The following MSH3 variants were observed in gnomAD, a reference collection of about 807,000 sequenced individuals.
MSH3 encodes mutS homolog 3, also known as DNA mismatch repair protein Msh3.
Under a neutral mutation model 123.3 loss-of-function variants are expected in MSH3, and 106 were observed. The observed-to-expected ratio is 0.86, with a 90% CI of 0.73 to 1.01. The LOEUF (loss-of-function observed/expected upper bound fraction) is 1.01, where lower values mean the gene tolerates loss of function less well. Among genes scored for constraint, MSH3 ranks in the 50% least tolerant of loss-of-function variants. The probability of loss-of-function intolerance (pLI) is 0.00; values close to 1 mark genes in which losing one functional copy is unlikely to be tolerated. For synonymous variants in MSH3, 515 were observed against 481.4 expected (o/e 1.07, Z -0.91); for missense variants, 1,459 against 1,347.6 (o/e 1.08, Z -1.29).
chr5:80,826,522 C>T lies in MSH3; in HGVS notation c.2813+12781C>T, dbSNP rs140611764. On this transcript the variant is annotated intron_variant, in intron 20 of 23. Transcript: ENST00000265081. ...AAGAAGAAGAAGTAAATGGATGAAA[C>T]GCTATAAACAGACAGGAGGTTAGGA... Among the ~76,000 whole-genome samples the T allele has an allele frequency of 5.0e-3, 754 of 150,900 alleles. 5 individuals are homozygous for T. The highest frequency in any genetic ancestry group is 8.8e-3 in the Non-Finnish European group (598 of 67,872).
chr5:80,794,436 C>A (rs1185923966), intron 19 of MSH3, among the ~76,000 whole-genome samples: 1 of 152,150 alleles, frequency 6.6e-6, no homozygotes, highest in Non-Finnish European at 1.5e-5. Flanking sequence ...AAGTTGAGAA[C>A]TAGTCCAGAA....
intron 10 of MSH3, among the ~76,000 whole-genome samples, chr5:80,736,747 AT>A (rs1743516253): frequency 6.6e-6 from 1 of 152,148 alleles, no homozygotes; most frequent in East Asian, 1.9e-4. Context: ...TGAGTCTCTA[AT>A]GAGTTCCCTG....
At chr5:80,796,298 C>T (rs1389266048) in intron 19 of MSH3, among the ~76,000 whole-genome samples, 1 of 151,318 alleles carries the variant, frequency 6.6e-6, no homozygotes, top group Non-Finnish European at 1.5e-5. Context: ...TGTCTAATTA[C>T]AATAATGTTT....
At chr5:80,731,603 G>A (rs1743414655) in intron 10 of MSH3, among the ~76,000 whole-genome samples, 1 of 151,988 alleles carries the variant, frequency 6.6e-6, no homozygotes, top group African/African-American at 2.4e-5. Context: ...ATTGGAAATT[G>A]CCAAAAGGTC....
At chr5:80,832,367 C>A (rs1316877024) in intron 20 of MSH3, among the ~76,000 whole-genome samples, 1 of 152,136 alleles carries the variant, frequency 6.6e-6, no homozygotes, top group Non-Finnish European at 1.5e-5. Flanking sequence ...ACGCCATAAT[C>A]CCAGCACTTT....
At position 80,688,260 on chromosome 5, in the gene MSH3, C is replaced by T. The variant is rs6151673; in HGVS notation, c.1340+9167C>T. On this transcript the variant is annotated intron_variant, in intron 8 of 23. Transcript: ENST00000265081. ...TCCTCAAAGATAGATGTGTATGCTG[C>T]AGATTTAAAGAAAACATTGAAATCT... Among the ~76,000 whole-genome samples, 1,227 of 152,284 alleles carry T rather than the reference C, an allele frequency of 8.1e-3. 18 individuals are homozygous for T. The highest frequency in any genetic ancestry group is 0.029 in the African/African-American group (1,185 of 41,562).
intron 1 of MSH3, chr5:80,655,266 C>T (rs879818709): frequency 1.7e-5 from 5 of 289,454 alleles, no homozygotes; most frequent in Admixed American, 5.2e-5. Context: ...GCAAGGGGTG[C>T]GTCTTTTAAC....
At chr5:80,787,425 C>A (rs886391097) in intron 17 of MSH3, 140 bp from the exon 18 acceptor site, 3 of 724,092 alleles carry the variant, frequency 4.1e-6, no homozygotes, top group Non-Finnish European at 5.1e-6. Context: ...GTGTAATCTC[C>A]ATCTCTCTTA....
chr5:80,827,847 T>C (rs1048084981), intron 20 of MSH3, among the ~76,000 whole-genome samples: 14 of 152,198 alleles, frequency 9.2e-5, no homozygotes, highest in African/African-American at 2.9e-4. Flanking sequence ...AGATAGATAC[T>C]GTTGTAGTAG....
At chr5:80,840,044 T>A (rs951284355) in intron 20 of MSH3, among the ~76,000 whole-genome samples, 3 of 152,210 alleles carry the variant, frequency 2.0e-5, no homozygotes, top group Non-Finnish European at 4.4e-5. Context: ...TATGAAGAAA[T>A]TTTTTATCAA....
chr5:80,675,452 C>A (rs554558272), intron 7 of MSH3, among the ~76,000 whole-genome samples: 72 of 152,168 alleles, frequency 4.7e-4, no homozygotes, highest in Non-Finnish European at 8.8e-4. Flanking sequence ...AGGAAACTTA[C>A]AATCATGGCG....
intron 20 of MSH3, among the ~76,000 whole-genome samples, chr5:80,837,652 A>G (rs891689606): frequency 6.6e-6 from 1 of 152,178 alleles, no homozygotes; most frequent in African/African-American, 2.4e-5. Context: ...AAAATGCTGA[A>G]TTCTCATTTT....
intron 19 of MSH3, among the ~76,000 whole-genome samples, chr5:80,805,593 CTTTT>C (rs34689496): frequency 1.9e-5 from 2 of 104,498 alleles, no homozygotes; most frequent in African/African-American, 7.1e-5. Flanking sequence ...CCCCCCCTAC[CTTTT>C]TTTTTTTTTT....
In MSH3 at chr5:80,670,172, A is replaced by C. The variant is rs1473248894; in HGVS notation, c.655A>C (p.Lys219Gln). Residue 219 changes from lysine (K) to glutamine (Q), a missense_variant, in exon 4 of 24, where the codon AAA (lysine) becomes CAA (glutamine). By Grantham distance (53) the Lys-to-Gln change is moderately conservative. Coordinates refer to ENST00000265081, the MANE Select transcript of MSH3 (RefSeq NM_002439.5). ...SHENLQKTAS[K>Q]SANKRSKSIY... Reference sequence around the variant, plus strand: ...TGAAAATTTACAGAAAACTGCTTCCAAATCAGCTAACAAACGGTCCAAAAG... The same window carrying C: ...TGAAAATTTACAGAAAACTGCTTCCCAATCAGCTAACAAACGGTCCAAAAG... 6.2e-7 allele frequency: 1 copy of C among 1,614,192 alleles called. No homozygotes were observed. Among genetic ancestry groups the C allele is most frequent in the East Asian group, 2.2e-5 (1 of 44,866 alleles).
At chr5:80,672,383 G>T (rs751897975) in intron 5 of MSH3, 23 bp downstream of exon 5, 1 of 1,548,980 alleles carries the variant, frequency 6.5e-7, no homozygotes, top group African/African-American at 1.4e-5. Flanking sequence ...TTTAACTTGT[G>T]GGGAAAGGAA....
chr5:80,665,801 A>G (rs1040455268), intron 3 of MSH3, among the ~76,000 whole-genome samples: 9 of 152,336 alleles, frequency 5.9e-5, no homozygotes, highest in African/African-American at 1.9e-4. Flanking sequence ...CCAAATGAAC[A>G]TGGGCTTTTT....
chr5:80,837,207 A>G (rs542639301), intron 20 of MSH3, among the ~76,000 whole-genome samples: 3 of 152,340 alleles, frequency 2.0e-5, no homozygotes, highest in East Asian at 3.9e-4. Flanking sequence ...AGTAAAAGTG[A>G]AGGTGGAGAG....
At chr5:80,656,375 GA>G in intron 1 of MSH3, 35 bp from the exon 2 acceptor site, 1 of 1,613,232 alleles carries the variant, frequency 6.2e-7, no homozygotes, top group Non-Finnish European at 8.5e-7. Flanking sequence ...TCTCAGAGTA[GA>G]GATAACACAT....
At chr5:80,863,931 G>A (rs923425424) in intron 21 of MSH3, among the ~76,000 whole-genome samples, 1 of 152,142 alleles carries the variant, frequency 6.6e-6, no homozygotes, top group African/African-American at 2.4e-5. Context: ...AAGGGTGCCT[G>A]GCTCTTAGTT....
Sources: gnomAD v4.1 joint callset for allele counts (sites outside exome capture counted in the v4.1 genomes callset) on GRCh38, gnomAD v4.1.1 for gene constraint, MANE v1.5 for transcripts, NCBI Gene and HGNC (gene_info 2026-07-23, HGNC 2026-07-21) for gene names.